The following SLC1A6 variants were observed in gnomAD, a reference collection of about 807,000 sequenced individuals.
SLC1A6 encodes solute carrier family 1 member 6.
SLC1A6 carries 15 observed loss-of-function variants against 42.1 expected under a neutral mutation model. The ratio of observed to expected loss-of-function variants is 0.36; its 90% CI spans 0.24 to 0.55. SLC1A6 has a LOEUF of 0.55. Ranked by LOEUF, SLC1A6 falls within the 20% of genes least tolerant of loss-of-function variation. The probability of loss-of-function intolerance (pLI) is 0.88; values close to 1 mark genes in which losing one functional copy is unlikely to be tolerated. For missense variants in SLC1A6, 542 were observed against 772.5 expected, an observed-to-expected ratio of 0.70 and a Z score of 3.54; for synonymous variants, 317 against 319.7, an observed-to-expected ratio of 0.99 and a Z score of 0.09.
At chr19:14,987,270 C>A (rs900547876) in intron 1 of SLC1A6, among the ~76,000 whole-genome samples, 2 of 152,046 alleles carry the variant, frequency 1.3e-5, no homozygotes, top group Middle Eastern at 3.4e-3. Flanking sequence ...AGATCGAGAC[C>A]AGCCTGACCA....
chr19:14,950,895 T>G (rs956075096), intron 9 of SLC1A6, among the ~76,000 whole-genome samples: 7 of 150,754 alleles, frequency 4.6e-5, no homozygotes, highest in African/African-American at 1.7e-4. Context: ...CAGTGAGCTA[T>G]GATCATGCCA....
chr19:14,965,023 CTTT>C (rs35846543), intron 4 of SLC1A6, among the ~76,000 whole-genome samples: 4 of 139,976 alleles, frequency 2.9e-5, no homozygotes, highest in Admixed American at 1.4e-4. Flanking sequence ...ATGGAGATTT[CTTT>C]TTTTTTTTTT....
rs528739261 is a variant in SLC1A6 at position 15,009,938 on chromosome 19, G to A, written c.6+547C>T. On this transcript the variant is annotated intron_variant, in intron 1 of 8. Transcript: ENST00000430939. ...CTCACGCCTGTAATGCCAGCACTTTGGGAGGCCGAGGCAGGAGAATCACGA... is the reference window on the plus strand; with the variant it reads ...CTCACGCCTGTAATGCCAGCACTTTAGGAGGCCGAGGCAGGAGAATCACGA... 2.4e-3 allele frequency among the ~76,000 whole-genome samples: 362 copies of A among 152,100 alleles called. 2 individuals carry two copies. The highest frequency in any genetic ancestry group is 8.5e-3 in the African/African-American group (352 of 41,524).
chr19:15,008,523 G>A (rs974108001), intron 1 of SLC1A6, among the ~76,000 whole-genome samples: 1 of 152,024 alleles, frequency 6.6e-6, no homozygotes, highest in Non-Finnish European at 1.5e-5. Flanking sequence ...ACTAAAAATA[G>A]AACTGCCCTT....
At chr19:14,983,719 C>CAAAAA (rs56657572), upstream of SLC1A6, among the ~76,000 whole-genome samples, 3 of 52,286 alleles carry the variant, frequency 5.7e-5, no homozygotes, top group Non-Finnish European at 1.1e-4. Flanking sequence ...ACAACAACAC[C>CAAAAA]AAAAAAAAAA....
intron 1 of SLC1A6, among the ~76,000 whole-genome samples, chr19:14,976,399 T>C (rs1441187370): frequency 6.6e-6 from 1 of 152,222 alleles, no homozygotes; most frequent in African/African-American, 2.4e-5. Flanking sequence ...TTGATTACAG[T>C]ATTTTATCTA....
rs77204451 is a variant in SLC1A6 at position 14,964,687 on chromosome 19, C to T, written c.549-326G>A. Among the ~76,000 whole-genome samples the T allele has an allele frequency of 5.2e-3, 788 of 152,286 alleles. 5 individuals carry two copies. Among genetic ancestry groups the T allele is most frequent in the African/African-American group, 0.018 (747 of 41,552 alleles). ...GTCTGAGCATGTGGCCAGAGCCCTA[C>T]ATCACCTCAAGGACTTTAATTCAAA... On this transcript the variant is annotated intron_variant, in intron 4 of 9. Coordinates refer to ENST00000594383, the MANE Select transcript of SLC1A6 (RefSeq NM_005071.3).
intron 6 of SLC1A6, chr19:14,961,771 GAACT>G: frequency 5.5e-6 from 3 of 542,052 alleles, no homozygotes; most frequent in Middle Eastern, 4.9e-4. Context: ...GATATTCCAT[GAACT>G]AACCAATGCA....
upstream of SLC1A6, among the ~76,000 whole-genome samples, chr19:14,981,009 CCAGCCTGA>C (rs2045764050): frequency 6.6e-6 from 1 of 152,024 alleles, no homozygotes; most frequent in South Asian, 2.1e-4. Context: ...AATTCTGAAG[CCAGCCTGA>C]CATAGTGGCC....
intron 1 of SLC1A6, among the ~76,000 whole-genome samples, chr19:14,996,555 C>CTTCTTCTTCTTCTTCTTCTTA: frequency 7.3e-6 from 1 of 136,350 alleles, no homozygotes; most frequent in South Asian, 2.2e-4. Context: ...TCTTCTTCTT[C>CTTCTTCTTCTTCTTCTTCTTA]TTCTTGTTCT....
intron 1 of SLC1A6, among the ~76,000 whole-genome samples, chr19:15,000,922 A>G (rs1367479097): frequency 1.3e-5 from 2 of 152,188 alleles, no homozygotes; most frequent in South Asian, 4.1e-4. Flanking sequence ...GAGAGGCACA[A>G]TTCAACCCAT....
rs1203007255 is a variant in SLC1A6, at chr19:14,962,052, G to A, written c.885C>T (p.Phe295=). 6.2e-7 allele frequency: 1 copy of A among 1,614,092 alleles called. No individual in the cohort carries two copies. The highest frequency in any genetic ancestry group is 2.2e-5 in the East Asian group (1 of 44,892). ...MKHKGRVLRD[F]FDSLNEAIMR... is the part of the protein sequence containing the mutation. The stretch of plus-strand genomic sequence containing the variant: ...TAATAGCCTCATTGAGGCTGTCGAA[G>A]AAGTCCCTGAGGACTCTGCCCTTGT... Residue 295 remains phenylalanine (F), a synonymous_variant, in exon 6 of 10, where the codon TTC becomes TTT. Transcript: ENST00000594383.
intron 1 of SLC1A6, among the ~76,000 whole-genome samples, chr19:14,992,848 G>A (rs1356203410): frequency 1.3e-5 from 2 of 152,224 alleles, no homozygotes; most frequent in Middle Eastern, 3.4e-3. Flanking sequence ...GCTTGAACAC[G>A]AGCTGAGCCA....
intron 9 of SLC1A6, among the ~76,000 whole-genome samples, chr19:14,951,541 T>C (rs117585504): frequency 0.011 from 1,576 of 142,622 alleles, 8 homozygotes; most frequent in Non-Finnish European, 0.016. Context: ...TTTGAGATGG[T>C]GTTTCACTCC....
rs1319737854 is a variant in SLC1A6 at position 14,954,153 on chromosome 19, C to G, written c.1346G>C (p.Gly449Ala). Residue 449 changes from glycine to alanine, a missense_variant, in exon 8 of 10, where the codon GGT becomes GCT. Gly to Ala is a moderately conservative substitution (Grantham distance 60). Coordinates refer to ENST00000594383, the MANE Select transcript of SLC1A6 (RefSeq NM_005071.3). ...AQVNNYELNLGQITTISITAT... is the reference protein window; with the variant it reads ...AQVNNYELNLAQITTISITAT... ...CCCTCACCTGATGGTTGTGATCTGA[C>G]CCAGGTTGAGCTCGTAGTTGTTAAC... The G allele has an allele frequency of 1.2e-6, 2 of 1,607,524 alleles. No individual in the cohort carries two copies. Among genetic ancestry groups the G allele is most frequent in the Non-Finnish European group, 1.7e-6 (2 of 1,176,508 alleles).
intron 8 of SLC1A6, among the ~76,000 whole-genome samples, 166 bp downstream of exon 8, chr19:14,953,969 T>C (rs537295275): frequency 5.3e-5 from 8 of 152,256 alleles, no homozygotes; most frequent in African/African-American, 1.7e-4. Context: ...AACTTTACCT[T>C]TCACCTACCT....
At chr19:14,968,544 C>T (rs2045600736) in intron 3 of SLC1A6, 37 bp from the exon 4 acceptor site, 9 of 1,538,484 alleles carry the variant, frequency 5.8e-6, no homozygotes, top group Non-Finnish European at 8.0e-6. Flanking sequence ...CAGCTCCATG[C>T]ATACCCAACG....
Position 14,972,930 on chromosome 19 carries a change from G to C in SLC1A6, c.-7-13C>G. 4 of 1,548,378 alleles carry C rather than the reference G, an allele frequency of 2.6e-6. No homozygotes were observed. Among genetic ancestry groups the C allele is most frequent in the Middle Eastern group, 2.2e-4 (1 of 4,568 alleles). The stretch of plus-strand genomic sequence containing the variant: ...GCTCATGGTCTATCTGCGGGAAACA[G>C]AGAAGCCTGGGGCTGGTGAGGGCCA... On this transcript the variant is annotated splice_polypyrimidine_tract_variant and intron_variant, in intron 1 of 9. Coordinates refer to ENST00000594383, the MANE Select transcript of SLC1A6 (RefSeq NM_005071.3).
chr19:14,956,749 G>C (rs1472640194), intron 6 of SLC1A6, 40 bp from the exon 7 acceptor site: 2 of 1,414,356 alleles, frequency 1.4e-6, no homozygotes, highest in Non-Finnish European at 2.0e-6. Context: ...GCTCCCTCCT[G>C]ACCTCCCTTG....
Sources: allele counts gnomAD v4.1 joint callset (sites outside exome capture counted in the v4.1 genomes callset), GRCh38; gene constraint gnomAD v4.1.1; transcripts MANE v1.5; gene names NCBI Gene and HGNC (gene_info 2026-07-23, HGNC 2026-07-21).